Variants in CD59 observed in about 807,000 individuals in gnomAD.
CD59 encodes CD59 molecule (CD59 blood group).
CD59 carries 3 observed loss-of-function variants against 7.0 expected under a neutral mutation model. The observed-to-expected ratio is 0.43, with a 90% confidence interval of 0.19 to 1.10. The LOEUF is 1.10. Among genes scored for constraint, CD59 ranks in the 50% least tolerant of loss-of-function variants. The pLI is 0.29. For missense variants in CD59, 143 were observed against 151.0 expected (o/e 0.95, Z 0.28); for synonymous variants, 60 against 62.0 (o/e 0.97, Z 0.15).
At chr11:33,722,508 C>T in intron 1 of CD59, 45 bp from the exon 2 acceptor site, 2 of 1,608,522 alleles carry the variant, frequency 1.2e-6, no homozygotes, top group Non-Finnish European at 8.5e-7. Flanking sequence ...GAACAAATGA[C>T]TGCTGGTTGT....
At chr11:33,728,518 A>G in intron 1 of CD59, among the ~76,000 whole-genome samples, 1 of 152,226 alleles carries the variant, frequency 6.6e-6, no homozygotes, top group East Asian at 1.9e-4. Context: ...ACAAAAGTTA[A>G]CTTAAGATGG....
At chr11:33,724,969 G>A (rs748817724) in intron 1 of CD59, among the ~76,000 whole-genome samples, 2 of 152,070 alleles carry the variant, frequency 1.3e-5, no homozygotes, top group Non-Finnish European at 2.9e-5. Context: ...TGGAGTATGT[G>A]TATGTGTATG....
chr11:33,733,997 A>G (rs1854492293), intron 1 of CD59, among the ~76,000 whole-genome samples: 1 of 152,252 alleles, frequency 6.6e-6, no homozygotes, highest in Non-Finnish European at 1.5e-5. Context: ...TCCCAAGGCA[A>G]CATGTTAGTC....
intron 2 of CD59, among the ~76,000 whole-genome samples, chr11:33,720,858 C>T (rs2133554583): frequency 6.6e-6 from 1 of 152,346 alleles, no homozygotes; most frequent in African/African-American, 2.4e-5. Context: ...GAAAGTTCCC[C>T]TGCAGGGTCC....
In CD59 at chr11:33,703,104, T is replaced by C. The variant is rs1234696707; in HGVS notation, c.*7022A>G. Reference sequence around the variant, plus strand: ...CTAGTTGAGGAGAAAAAATTACAGATTTTTTCCCCCTTACTCCAAGATAAT... The same window carrying C: ...CTAGTTGAGGAGAAAAAATTACAGACTTTTTCCCCCTTACTCCAAGATAAT... On this transcript the variant is annotated 3_prime_UTR_variant, in exon 4 of 4. Coordinates refer to ENST00000642928, the MANE Select transcript of CD59 (RefSeq NM_000611.6). 1 of 152,174 alleles carries C rather than the reference T, an allele frequency of 6.6e-6. No individual in the cohort carries two copies. Among genetic ancestry groups the C allele is most frequent in the Non-Finnish European group, 1.5e-5 (1 of 68,030 alleles). The allele number at this position is 152,174 out of a possible 1,614,324, so 9.4% of individuals were successfully genotyped here. A position where few individuals can be genotyped will look rare whatever the true frequency, so the allele number is the denominator to read the frequency against.
At chr11:33,722,320 A>C (rs890120030) in intron 2 of CD59, 59 bp downstream of exon 2, 1 of 1,262,760 alleles carries the variant, frequency 7.9e-7, no homozygotes, top group African/African-American at 1.5e-5. Context: ...ACTGAGGCTT[A>C]AGAAGGGAGT....
In CD59 at chr11:33,708,877, A is replaced by G. The variant is rs961574916; in HGVS notation, c.*1249T>C. ...ATTCATTGCACTCGGTTTGTCCAACAGAGTATAATCAAGGGTTTTTTTTCA... is the reference window on the plus strand; with the variant it reads ...ATTCATTGCACTCGGTTTGTCCAACGGAGTATAATCAAGGGTTTTTTTTCA... On this transcript the variant is annotated 3_prime_UTR_variant, in exon 4 of 4. Transcript: ENST00000642928. The G allele has an allele frequency of 4.6e-5, 7 of 152,202 alleles. No individual in the cohort carries two copies. The highest frequency in any genetic ancestry group is 1.4e-4 in the African/African-American group (6 of 41,442). 9.4% of individuals were successfully genotyped at this position (152,202 alleles called of 1,614,324 possible).
chr11:33,731,006 T>C (rs191832554), intron 1 of CD59, among the ~76,000 whole-genome samples: 1 of 152,356 alleles, frequency 6.6e-6, no homozygotes, highest in Admixed American at 6.5e-5. Flanking sequence ...TACGATTTTC[T>C]AAGTAACATT....
Position 33,736,401 on chromosome 11 carries a change from T to G in CD59, c.-38A>C, listed in dbSNP as rs1854579921. The G allele has an allele frequency of 6.6e-6, 1 of 152,420 alleles. No individual in the cohort carries two copies. Among genetic ancestry groups the G allele is most frequent in the African/African-American group, 2.4e-5 (1 of 41,454 alleles). 9.4% of individuals were successfully genotyped at this position (152,420 alleles called of 1,614,324 possible). On this transcript the variant is annotated 5_prime_UTR_variant, in exon 1 of 4. Coordinates refer to ENST00000642928, the MANE Select transcript of CD59 (RefSeq NM_000611.6). This position sits in a 1 kb window ranked among gnomAD's most constrained non-coding sequence, Gnocchi z 4.4. ...TCTTACCTGGCGGCGCCCAAGATCCTCTTCCAGCCTCGAGCCGCTTCTGCG... is the reference window on the plus strand; with the variant it reads ...TCTTACCTGGCGGCGCCCAAGATCCGCTTCCAGCCTCGAGCCGCTTCTGCG...
chr11:33,710,529 T>C (rs557616499), intron 3 of CD59, among the ~76,000 whole-genome samples, 186 bp from the exon 4 acceptor site: 12 of 152,256 alleles, frequency 7.9e-5, no homozygotes, highest in African/African-American at 2.9e-4. Context: ...ATAGAGCTTT[T>C]ACAGAAAACC....
rs1853364826 is a variant in CD59, at chr11:33,707,587, G to A, written c.*2539C>T. 1.3e-5 allele frequency: 2 copies of A among 152,282 alleles called. No homozygotes were observed. Among genetic ancestry groups the A allele is most frequent in the African/African-American group, 4.8e-5 (2 of 41,462 alleles). The allele number at this position is 152,282 out of a possible 1,614,324, so 9.4% of individuals were successfully genotyped here. ...TGACAGTTCCTGTAAATCCAGATGAGTGGAGGGCACAGGGTATTGGCTCTC... is the reference window on the plus strand; with the variant it reads ...TGACAGTTCCTGTAAATCCAGATGAATGGAGGGCACAGGGTATTGGCTCTC... On this transcript the variant is annotated 3_prime_UTR_variant, in exon 4 of 4. Coordinates refer to ENST00000642928, the MANE Select transcript of CD59 (RefSeq NM_000611.6).
At chr11:33,714,500 C>T (rs1030293594) in intron 3 of CD59, among the ~76,000 whole-genome samples, 11 of 152,186 alleles carry the variant, frequency 7.2e-5, no homozygotes, top group African/African-American at 2.7e-4. Flanking sequence ...CATTGCTGTA[C>T]ACTACTGTAG....
intron 1 of CD59, among the ~76,000 whole-genome samples, chr11:33,726,646 A>C (rs988190443): frequency 6.6e-6 from 1 of 152,230 alleles, no homozygotes; most frequent in Non-Finnish European, 1.5e-5. Flanking sequence ...ACAAATTCAA[A>C]AGCTAACAGA....
chr11:33,710,874 T>C (rs1564969465), intron 3 of CD59, among the ~76,000 whole-genome samples: 1 of 151,724 alleles, frequency 6.6e-6, no homozygotes, highest in Non-Finnish European at 1.5e-5. Context: ...ATGTATAAGA[T>C]ATATGCTCAA....
intron 1 of CD59, among the ~76,000 whole-genome samples, chr11:33,732,459 A>AT (rs1854447865): frequency 1.3e-5 from 2 of 152,162 alleles, no homozygotes; most frequent in African/African-American, 4.8e-5. Flanking sequence ...TAAGTTTCCT[A>AT]AGGCCTTCCC....
At chr11:33,717,181 T>A (rs1853832586) in intron 3 of CD59, among the ~76,000 whole-genome samples, 189 bp downstream of exon 3, 2 of 152,194 alleles carry the variant, frequency 1.3e-5, no homozygotes, top group African/African-American at 4.8e-5. Flanking sequence ...AAATAAAAGA[T>A]CACCCTTAGA....
intron 1 of CD59, among the ~76,000 whole-genome samples, chr11:33,727,481 G>A (rs1854294230): frequency 6.6e-6 from 1 of 152,120 alleles, no homozygotes; most frequent in African/African-American, 2.4e-5. Context: ...AGCGCTTCAT[G>A]CTAAAAACTC....
At chr11:33,720,860 G>A (rs1358875291) in intron 2 of CD59, among the ~76,000 whole-genome samples, 1 of 152,242 alleles carries the variant, frequency 6.6e-6, no homozygotes, top group Non-Finnish European at 1.5e-5. Flanking sequence ...AAGTTCCCCT[G>A]CAGGGTCCTG....
intron 1 of CD59, among the ~76,000 whole-genome samples, chr11:33,727,574 TG>T: frequency 6.6e-6 from 1 of 152,308 alleles, no homozygotes; most frequent in South Asian, 2.1e-4. Context: ...TCATACTGAA[TG>T]GGCAAAAACT....
Sources: allele counts gnomAD v4.1 joint callset (sites outside exome capture counted in the v4.1 genomes callset), GRCh38; gene constraint gnomAD v4.1.1; non-coding constraint Gnocchi (gnomAD v3.1); transcripts MANE v1.5; gene names NCBI Gene and HGNC (gene_info 2026-07-23, HGNC 2026-07-21).